The following FAT1 variants were observed in gnomAD, a reference collection of about 807,000 sequenced individuals.
The protein encoded by FAT1 is protocadherin Fat 1.
A neutral mutation model predicts 329.8 loss-of-function variants in FAT1; 171 were observed. The ratio of observed to expected loss-of-function variants is 0.52; its 90% CI spans 0.46 to 0.59. The LOEUF (loss-of-function observed/expected upper bound fraction) is 0.59, where lower values mean the gene tolerates loss of function less well. Among genes scored for constraint, FAT1 ranks in the 20% least tolerant of loss-of-function variants. FAT1 has a pLI of 0.00. For synonymous variants in FAT1, 2,233 were observed against 2,228.6 expected, an observed-to-expected ratio of 1.00 and a Z score of -0.06; for missense variants, 5,672 against 5,774.4, an observed-to-expected ratio of 0.98 and a Z score of 0.57.
intron 9 of FAT1, among the ~76,000 whole-genome samples, chr4:186,622,200 T>C (rs972160307): frequency 5.9e-5 from 9 of 152,364 alleles, no homozygotes; most frequent in African/African-American, 1.9e-4. Context: ...TATGTATTCA[T>C]TACGAAAGAT....
In FAT1 at chr4:186,707,372, G is replaced by A. The variant is rs1744680397; in HGVS notation, c.2456C>T (p.Pro819Leu). 6.2e-7 allele frequency: 1 copy of A among 1,613,956 alleles called. No homozygotes were observed. The highest frequency in any genetic ancestry group is 8.5e-7 in the Non-Finnish European group (1 of 1,179,886). ...HVVVVDANDNPPEFLQESYFV... is the reference protein window; with the variant it reads ...HVVVVDANDNLPEFLQESYFV... Reference sequence around the variant, plus strand: ...ATAGCTCTCCTGTAAAAACTCGGGTGGATTATCATTGGCATCGACAACCAC... The same window carrying A: ...ATAGCTCTCCTGTAAAAACTCGGGTAGATTATCATTGGCATCGACAACCAC... The change falls in exon 2 of 27, where the codon CCA (proline) becomes CTA (leucine). Residue 819 changes from proline (P) to leucine (L), a missense_variant. Pro to Leu is a moderately conservative substitution (Grantham distance 98). Transcript: ENST00000441802.
intron 9 of FAT1, among the ~76,000 whole-genome samples, chr4:186,623,339 G>A (rs1461396570): frequency 2.6e-5 from 4 of 152,122 alleles, no homozygotes; most frequent in Admixed American, 1.3e-4. Context: ...TCGTCAGAAC[G>A]CCAAGATCCT....
chr4:186,605,008 C>A (rs764685841), intron 17 of FAT1, among the ~76,000 whole-genome samples: 3 of 151,820 alleles, frequency 2.0e-5, no homozygotes, highest in Non-Finnish European at 2.9e-5. Context: ...CACCTGAGGT[C>A]AGGAGTTCGA....
intron 2 of FAT1, among the ~76,000 whole-genome samples, chr4:186,682,036 G>A (rs1743233048): frequency 6.6e-6 from 1 of 152,124 alleles, no homozygotes; most frequent in African/African-American, 2.4e-5. Context: ...TAAAAGTAAA[G>A]CATAATAGTT....
intron 1 of FAT1, among the ~76,000 whole-genome samples, chr4:186,717,853 C>T (rs1172144673): frequency 6.6e-6 from 1 of 152,142 alleles, no homozygotes; most frequent in East Asian, 1.9e-4. Flanking sequence ...ATTCCTTATC[C>T]TCCAACCACT....
At chr4:186,713,505 C>T (rs750949815) in intron 1 of FAT1, among the ~76,000 whole-genome samples, 5 of 152,120 alleles carry the variant, frequency 3.3e-5, no homozygotes, top group Non-Finnish European at 5.9e-5. Flanking sequence ...GGTTTCCTCA[C>T]AGTCAGGTTA....
At chr4:186,598,611 C>G (rs1306410265) in intron 22 of FAT1, 2 of 152,492 alleles carry the variant, frequency 1.3e-5, no homozygotes, top group African/African-American at 4.8e-5. Context: ...CTCATTGCAT[C>G]CTCAAACTCC....
chr4:186,707,635 A>G lies in FAT1; in HGVS notation c.2193T>C (p.Pro731=), dbSNP rs1744699917. 4 of 1,614,046 alleles carry G rather than the reference A, an allele frequency of 2.5e-6. No individual in the cohort carries two copies. Among genetic ancestry groups the G allele is most frequent in the East Asian group, 2.2e-5 (1 of 44,874 alleles). The change falls in exon 2 of 27, where the codon CCT becomes CCC. Residue 731 remains proline (P), a synonymous_variant. Transcript: ENST00000441802. ...PTGIQVKENQ[P]VGSSVIFMNS... ...TCATGAAAATTACACTGGAACCCAC[A>G]GGCTGGTTTTCCTTTACCTGAATAC...
In FAT1 at chr4:186,708,213, G is replaced by A. The variant is rs754114613; in HGVS notation, c.1615C>T (p.Arg539Cys). 20 of 1,613,862 alleles carry A rather than the reference G, an allele frequency of 1.2e-5. No individual in the cohort carries two copies. Among genetic ancestry groups the A allele is most frequent in the Admixed American group, 1.7e-5 (1 of 60,004 alleles). ...TACGGCAAGCCCCAGTCTGATGCAC[G>A]AATCCTCAGAGTATAAACCCGAGGC... is the stretch of plus-strand genomic sequence containing the variant. ...LMPRVYTLRIRASDWGLPYRR... is the reference protein window; with the variant it reads ...LMPRVYTLRICASDWGLPYRR... The change falls in exon 2 of 27, where the codon CGT becomes TGT. Residue 539 changes from arginine to cysteine, a missense_variant. Arg to Cys is a radical substitution (Grantham distance 180). Transcript: ENST00000441802.
intron 2 of FAT1, among the ~76,000 whole-genome samples, chr4:186,683,533 C>G (rs1743321741): frequency 6.6e-6 from 1 of 152,144 alleles, no homozygotes; most frequent in South Asian, 2.1e-4. Context: ...CAAATCTTGC[C>G]TCTGTGAAAT....
At position 186,618,723 on chromosome 4, in the gene FAT1, A is replaced by C. The variant is rs769766947; in HGVS notation, c.7863T>G (p.Ser2621Arg). ...CGGCATTGGAGCCCTCATCGGCATCACTTGCAAGAACTTTAACGACTGAAG... is the reference window on the plus strand; with the variant it reads ...CGGCATTGGAGCCCTCATCGGCATCCCTTGCAAGAACTTTAACGACTGAAG... The part of the protein sequence containing the change: ...KGTSVVKVLA[S>R]DADEGSNADI... The change falls in exon 10 of 27, where the codon AGT becomes AGG. Residue 2621 changes from serine to arginine, a missense_variant. By Grantham distance (110) the Ser-to-Arg change is moderately radical. This residue lies in a region of FAT1 where 3,966 missense variants were observed against 3,915.2 expected (regional missense o/e 1.01). Transcript: ENST00000441802. The C allele has an allele frequency of 1.2e-6, 2 of 1,613,896 alleles. No individual in the cohort carries two copies. The highest frequency in any genetic ancestry group is 1.7e-6 in the Non-Finnish European group (2 of 1,179,888).
chr4:186,678,491 A>T (rs1394057317), intron 2 of FAT1, among the ~76,000 whole-genome samples: 2 of 149,182 alleles, frequency 1.3e-5, no homozygotes, highest in East Asian at 3.9e-4. Flanking sequence ...AACATTATAC[A>T]ATGTCATTAT....
intron 11 of FAT1, among the ~76,000 whole-genome samples, chr4:186,616,416 C>T (rs1739713803): frequency 6.6e-6 from 1 of 152,078 alleles, no homozygotes; most frequent in South Asian, 2.1e-4. Flanking sequence ...CTCCTGACGA[C>T]CCACTTACTG....
chr4:186,621,236 C>T lies in FAT1; in HGVS notation c.5350G>A (p.Val1784Ile), dbSNP rs2126523395. 1 of 1,614,014 alleles carries T rather than the reference C, an allele frequency of 6.2e-7. No individual in the cohort carries two copies. Among genetic ancestry groups the T allele is most frequent in the South Asian group, 1.1e-5 (1 of 91,074 alleles). Reference sequence around the variant, plus strand: ...AGTGGGACATTCCTGTCTGTTAGGACCACGCTGTTAATTGAGGCTGATTCA... The same window carrying T: ...AGTGGGACATTCCTGTCTGTTAGGATCACGCTGTTAATTGAGGCTGATTCA... ...ISESASINSV[V>I]LTDRNVPLVI... The change falls in exon 10 of 27, where the codon GTC becomes ATC. Residue 1784 changes from valine (V) to isoleucine (I), a missense_variant. By Grantham distance (29) the Val-to-Ile change is conservative. Coordinates refer to ENST00000441802, the MANE Select transcript of FAT1 (RefSeq NM_005245.4).
At chr4:186,666,353 A>C (rs1385910842) in intron 2 of FAT1, among the ~76,000 whole-genome samples, 1 of 152,188 alleles carries the variant, frequency 6.6e-6, no homozygotes, top group Non-Finnish European at 1.5e-5. Flanking sequence ...AATTAGCAAA[A>C]TTATATCTGT....
intron 26 of FAT1, 66 bp downstream of exon 26, chr4:186,595,623 T>A (rs961851696): frequency 6.3e-7 from 1 of 1,581,726 alleles, no homozygotes; most frequent in Admixed American, 1.7e-5. Context: ...TGCGTCTACA[T>A]TGTGAGATAA....
At chr4:186,672,098 A>C (rs1742757070) in intron 2 of FAT1, among the ~76,000 whole-genome samples, 1 of 152,208 alleles carries the variant, frequency 6.6e-6, no homozygotes, top group Non-Finnish European at 1.5e-5. Context: ...ATCATAAAAC[A>C]TAAGGAATAT....
At chr4:186,602,688 G>A (rs1738872219) in intron 20 of FAT1, among the ~76,000 whole-genome samples, 1 of 152,144 alleles carries the variant, frequency 6.6e-6, no homozygotes, top group East Asian at 1.9e-4. Context: ...AATCATTGAA[G>A]ACACAGGAGG....
chr4:186,598,232 G>C, intron 22 of FAT1, 107 bp from the exon 23 acceptor site: 3 of 1,120,662 alleles, frequency 2.7e-6, no homozygotes, highest in Non-Finnish European at 3.6e-6. Context: ...GTAAAAGCTC[G>C]TAAAATTCTC....
Sources: gnomAD v4.1 joint callset for allele counts (sites outside exome capture counted in the v4.1 genomes callset) on GRCh38, gnomAD v4.1.1 for gene constraint, gnomAD v4.1.1 regional missense constraint, MANE v1.5 for transcripts, NCBI Gene and HGNC (gene_info 2026-07-23, HGNC 2026-07-21) for gene names.